The following PPM1E variants were observed in gnomAD, a reference collection of about 807,000 sequenced individuals.
The protein encoded by PPM1E is protein phosphatase, Mg2+/Mn2+ dependent 1E, also known as protein phosphatase 1E.
Under a neutral mutation model 65.9 loss-of-function variants are expected in PPM1E, and 20 were observed. That is an observed-to-expected ratio of 0.30 (90% CI 0.21 to 0.44). The LOEUF (loss-of-function observed/expected upper bound fraction) is 0.44. Among genes scored for constraint, PPM1E ranks in the 20% least tolerant of loss-of-function variants. The pLI is 1.00. For missense variants in PPM1E, 713 were observed against 953.1 expected (o/e 0.75, Z 3.32); for synonymous variants, 352 against 374.9 (o/e 0.94, Z 0.70).
intron 3 of PPM1E, chr17:58,966,139 A>G (rs1448514229): frequency 3.9e-6 from 2 of 511,418 alleles, no homozygotes; most frequent in Non-Finnish European, 7.1e-6. Context: ...CTTGCCTCCC[A>G]GGTACTCAGT....
intron 1 of PPM1E, among the ~76,000 whole-genome samples, chr17:58,800,275 G>C (rs935073596): frequency 5.3e-5 from 8 of 151,892 alleles, no homozygotes; most frequent in Admixed American, 3.9e-4. Context: ...ATCTCATTTA[G>C]TCATGATGTG....
Position 58,896,819 on chromosome 17 carries a change from A to G in PPM1E, c.465-58830A>G, listed in dbSNP as rs147853165. Among the ~76,000 whole-genome samples, 101 of 152,316 alleles carry G rather than the reference A, an allele frequency of 6.6e-4. 3 individuals carry two copies. The East Asian group carries it at 0.018, about 27-fold the overall frequency. On this transcript the variant is annotated intron_variant, in intron 1 of 6. Transcript: ENST00000308249. ...CAAAACAGCCTTCTATTGAAAGAAG[A>G]TGCTATCTGGGACTTTCATAACTAC...
chr17:58,817,986 G>A (rs768885787), intron 1 of PPM1E, among the ~76,000 whole-genome samples: 2 of 152,050 alleles, frequency 1.3e-5, no homozygotes, highest in Non-Finnish European at 2.9e-5. Context: ...TGATCCACCC[G>A]CCTCGGCCTC....
intron 1 of PPM1E, among the ~76,000 whole-genome samples, chr17:58,850,310 C>T (rs2050813736): frequency 6.6e-6 from 1 of 152,104 alleles, no homozygotes; most frequent in African/African-American, 2.4e-5. Flanking sequence ...TGAATTTGAT[C>T]CTGTCATTAT....
chr17:58,897,331 G>A lies in PPM1E; in HGVS notation c.465-58318G>A, dbSNP rs186915977. Among the ~76,000 whole-genome samples, 997 of 151,692 alleles carry A rather than the reference G, an allele frequency of 6.6e-3. 5 individuals are homozygous for A. Among genetic ancestry groups the A allele is most frequent in the Non-Finnish European group, 9.6e-3 (651 of 67,904 alleles). On this transcript the variant is annotated intron_variant, in intron 1 of 6. Coordinates refer to ENST00000308249, the MANE Select transcript of PPM1E (RefSeq NM_014906.5). ...TGGGAGGCTGAGGCAGGAGAATGGC[G>A]TGAACCTGGGAGGCAGAGCTTGCAA...
intron 1 of PPM1E, among the ~76,000 whole-genome samples, chr17:58,854,290 GGT>G (rs1567854244): frequency 6.6e-6 from 1 of 151,986 alleles, no homozygotes; most frequent in Non-Finnish European, 1.5e-5. Context: ...AGTTCTAATA[GGT>G]GTGTGTGTAT....
intron 1 of PPM1E, 25 bp downstream of exon 1, chr17:58,756,486 G>T: frequency 7.9e-7 from 1 of 1,268,876 alleles, no homozygotes; most frequent in Non-Finnish European, 1.0e-6. Flanking sequence ...CTTGGCTGGT[G>T]GTGGGCCCGC....
At chr17:58,905,940 C>G (rs755876861) in intron 1 of PPM1E, among the ~76,000 whole-genome samples, 2 of 151,986 alleles carry the variant, frequency 1.3e-5, no homozygotes, top group Non-Finnish European at 2.9e-5. Context: ...TCCAGTGAAC[C>G]TATCTGGTTT....
chr17:58,795,407 A>G (rs1435918916), intron 1 of PPM1E, among the ~76,000 whole-genome samples: 6 of 152,082 alleles, frequency 3.9e-5, no homozygotes, highest in Admixed American at 3.9e-4. Flanking sequence ...TGACTTTTTA[A>G]TAATAGCCAT....
At chr17:58,969,370 A>G in intron 3 of PPM1E, 169 bp from the exon 4 acceptor site, 1 of 731,768 alleles carries the variant, frequency 1.4e-6, no homozygotes, top group East Asian at 2.7e-5. Flanking sequence ...TATTGCAGGT[A>G]TTTCAGCAGT....
At chr17:58,820,193 T>G (rs2050465913) in intron 1 of PPM1E, among the ~76,000 whole-genome samples, 1 of 152,038 alleles carries the variant, frequency 6.6e-6, no homozygotes, top group Non-Finnish European at 1.5e-5. Context: ...AGGCCCCACC[T>G]CCAACATTGG....
rs1401743323 is a variant in PPM1E at position 58,980,844 on chromosome 17, A to C, written c.2081A>C (p.Gln694Pro). The change falls in exon 7 of 7, where the codon CAA becomes CCA. Residue 694 changes from glutamine to proline, a missense_variant. Coordinates refer to ENST00000308249, the MANE Select transcript of PPM1E (RefSeq NM_014906.5). This position sits in a 1 kb window ranked among gnomAD's most constrained non-coding sequence, Gnocchi z 4.7. ...NPKFYSFLSA[Q>P]EPSHKIGTSL... The stretch of plus-strand genomic sequence containing the variant: ...AAGTTTTATTCATTTCTCTCTGCTC[A>C]AGAGCCTTCCCACAAAATAGGCACT... 6.2e-7 allele frequency: 1 copy of C among 1,614,204 alleles called. No individual in the cohort carries two copies. The highest frequency in any genetic ancestry group is 8.5e-7 in the Non-Finnish European group (1 of 1,180,022).
At chr17:58,775,798 C>A (rs1034434275) in intron 1 of PPM1E, among the ~76,000 whole-genome samples, 11 of 150,168 alleles carry the variant, frequency 7.3e-5, no homozygotes, top group African/African-American at 2.7e-4. Context: ...CCTGTAGTCC[C>A]AGCTACTCGG....
intron 2 of PPM1E, among the ~76,000 whole-genome samples, chr17:58,960,984 T>A (rs2030014872): frequency 6.6e-6 from 1 of 152,118 alleles, no homozygotes; most frequent in African/African-American, 2.4e-5. Flanking sequence ...ATAAATTTAA[T>A]GTGATCCCAA....
intron 1 of PPM1E, among the ~76,000 whole-genome samples, chr17:58,839,887 T>A: frequency 6.6e-6 from 1 of 152,164 alleles, no homozygotes; most frequent in East Asian, 1.9e-4. Flanking sequence ...CACAAGTTAG[T>A]ATACATACTA....
chr17:58,864,924 A>C lies in PPM1E; in HGVS notation c.465-90725A>C, dbSNP rs544120555. Among the ~76,000 whole-genome samples, 3 of 152,110 alleles carry C rather than the reference A, an allele frequency of 2.0e-5. No individual in the cohort carries two copies. The East Asian group carries it at 5.8e-4, about 30-fold the overall frequency. On this transcript the variant is annotated intron_variant, in intron 1 of 6. Transcript: ENST00000308249. The stretch of plus-strand genomic sequence containing the variant: ...GCACTCCAGCCTGAGTGACAGAGCA[A>C]AACTCCATCTCGAAAAACAACAACA...
chr17:58,940,072 T>C (rs1038535986), intron 1 of PPM1E, among the ~76,000 whole-genome samples: 1 of 152,200 alleles, frequency 6.6e-6, no homozygotes, highest in Admixed American at 6.6e-5. Context: ...GAGTATTGGC[T>C]CTCTTTTGAT....
intron 1 of PPM1E, among the ~76,000 whole-genome samples, chr17:58,780,432 T>G (rs1176816429): frequency 6.6e-6 from 1 of 152,082 alleles, no homozygotes; most frequent in African/African-American, 2.4e-5. Flanking sequence ...GCTGGGGAGG[T>G]CGAGCAGTAG....
chr17:58,845,623 T>C (rs1567851783), intron 1 of PPM1E, among the ~76,000 whole-genome samples: 1 of 152,210 alleles, frequency 6.6e-6, no homozygotes, highest in Non-Finnish European at 1.5e-5. Flanking sequence ...TTATTTCAGT[T>C]AACATGATGT....
Sources: allele counts gnomAD v4.1 joint callset (sites outside exome capture counted in the v4.1 genomes callset), GRCh38; gene constraint gnomAD v4.1.1; non-coding constraint Gnocchi (gnomAD v3.1); transcripts MANE v1.5; gene names NCBI Gene and HGNC (gene_info 2026-07-23, HGNC 2026-07-21).